The following LRMDA variants were observed in gnomAD, a reference collection of about 807,000 sequenced individuals.
LRMDA encodes the protein leucine rich melanocyte differentiation associated.
In LRMDA, 18 loss-of-function variants were observed where a neutral mutation model predicts 29.8. That is an observed-to-expected ratio of 0.60 (90% CI 0.42 to 0.90). LRMDA has a LOEUF of 0.90. Ranked by LOEUF, LRMDA falls within the 40% of genes least tolerant of loss-of-function variation. LRMDA has a pLI of 0.00. For synonymous variants in LRMDA, 125 were observed against 109.4 expected, an observed-to-expected ratio of 1.14 and a Z score of -0.89; for missense variants, 273 against 273.9, an observed-to-expected ratio of 1.00 and a Z score of 0.02.
chr10:76,376,565 T>C (rs925540134), intron 6 of LRMDA, among the ~76,000 whole-genome samples: 11 of 152,168 alleles, frequency 7.2e-5, no homozygotes, highest in Non-Finnish European at 1.3e-4. Flanking sequence ...TAATTTTTTT[T>C]CCTTTGGGTA....
chr10:76,359,879 TAGC>T (rs887012695), intron 6 of LRMDA, among the ~76,000 whole-genome samples: 19 of 152,326 alleles, frequency 1.2e-4, no homozygotes, highest in African/African-American at 4.6e-4. Flanking sequence ...CAAAGTGAAA[TAGC>T]AGCAAGTTTT....
intron 5 of LRMDA, among the ~76,000 whole-genome samples, chr10:76,224,103 C>G (rs180970500): frequency 2.4e-4 from 37 of 152,120 alleles, no homozygotes; most frequent in Admixed American, 1.5e-3. Context: ...TAAGCCCTGT[C>G]CTAGGACATT....
chr10:75,447,393 G>T (rs1227699467), intron 2 of LRMDA, among the ~76,000 whole-genome samples: 1 of 152,092 alleles, frequency 6.6e-6, no homozygotes, highest in Non-Finnish European at 1.5e-5. Context: ...GGGCGTGGTG[G>T]TGGGTGCTTA....
At chr10:75,901,584 G>A (rs1404314084) in intron 2 of LRMDA, among the ~76,000 whole-genome samples, 4 of 152,180 alleles carry the variant, frequency 2.6e-5, no homozygotes, top group African/African-American at 7.2e-5. Context: ...AAGTATTCAT[G>A]GGGGGAGAAA....
rs151301725 is a variant in LRMDA, at chr10:76,176,344, C to T, written c.516+117561C>T. On this transcript the variant is annotated intron_variant, in intron 5 of 6. Transcript: ENST00000611255. The stretch of plus-strand genomic sequence containing the variant: ...ACCAAGAAGGGATAAGATCAAAGGG[C>T]GGTAATGAATACCGATTACAATAGA... Among the ~76,000 whole-genome samples, 360 of 152,198 alleles carry T rather than the reference C, an allele frequency of 2.4e-3. 3 individuals carry two copies. The highest frequency in any genetic ancestry group is 7.3e-3 in the African/African-American group (303 of 41,520).
At chr10:76,150,747 G>A (rs905301834) in intron 5 of LRMDA, among the ~76,000 whole-genome samples, 1 of 152,138 alleles carries the variant, frequency 6.6e-6, no homozygotes, top group African/African-American at 2.4e-5. Context: ...TTATACCGGT[G>A]GCAAGGATAG....
intron 2 of LRMDA, among the ~76,000 whole-genome samples, chr10:75,668,634 GA>G (rs1427735166): frequency 5.3e-5 from 8 of 152,194 alleles, no homozygotes; most frequent in Non-Finnish European, 5.9e-5. Context: ...GGCTTAATAA[GA>G]AAAATTTTTT....
intron 2 of LRMDA, among the ~76,000 whole-genome samples, chr10:75,893,157 G>T (rs552295203): frequency 6.6e-6 from 1 of 152,102 alleles, no homozygotes; most frequent in East Asian, 1.9e-4. Context: ...TCTTAGTGAC[G>T]ACCTGGTGAT....
chr10:75,709,238 G>A (rs948834315), intron 2 of LRMDA, among the ~76,000 whole-genome samples: 10 of 152,122 alleles, frequency 6.6e-5, no homozygotes, highest in Non-Finnish European at 1.3e-4. Flanking sequence ...AATTTTTAAA[G>A]AGACAACAGG....
At chr10:75,522,477 C>T (rs1160847266) in intron 2 of LRMDA, among the ~76,000 whole-genome samples, 1 of 152,174 alleles carries the variant, frequency 6.6e-6, no homozygotes, top group African/African-American at 2.4e-5. Flanking sequence ...GCTATGTAGG[C>T]TGATTCAAGA....
At chr10:75,737,067 ACACACACACACGCACATGCATG>A (rs970328079) in intron 2 of LRMDA, among the ~76,000 whole-genome samples, 2 of 151,688 alleles carry the variant, frequency 1.3e-5, no homozygotes, top group Non-Finnish European at 2.9e-5. Context: ...GCACGCACAC[ACACACACACACGCACATGCATG>A]CACACACACA....
chr10:75,656,007 T>C (rs1356058543), intron 2 of LRMDA, among the ~76,000 whole-genome samples: 2 of 152,214 alleles, frequency 1.3e-5, no homozygotes, highest in Non-Finnish European at 2.9e-5. Context: ...CTTCTGCTGA[T>C]CCCGTCTTGG....
intron 2 of LRMDA, among the ~76,000 whole-genome samples, chr10:75,738,290 T>C (rs1842789980): frequency 6.6e-6 from 1 of 152,104 alleles, no homozygotes; most frequent in South Asian, 2.1e-4. Flanking sequence ...CAGCTGCAGC[T>C]TCAGGTCATC....
intron 5 of LRMDA, among the ~76,000 whole-genome samples, chr10:76,317,896 T>A (rs536640992): frequency 6.6e-6 from 1 of 152,304 alleles, no homozygotes; most frequent in African/African-American, 2.4e-5. Flanking sequence ...TATCTTTACT[T>A]ATTAACTACT....
At chr10:75,962,650 T>C (rs1458564080) in intron 2 of LRMDA, among the ~76,000 whole-genome samples, 1 of 152,226 alleles carries the variant, frequency 6.6e-6, no homozygotes, top group East Asian at 1.9e-4. Context: ...AATGATAATC[T>C]AGTTTTTGTC....
chr10:76,149,197 AG>A (rs1432910055), intron 5 of LRMDA, among the ~76,000 whole-genome samples: 1 of 152,248 alleles, frequency 6.6e-6, no homozygotes, highest in Non-Finnish European at 1.5e-5. Context: ...GCACTAACAA[AG>A]CAGTAGATTA....
chr10:76,202,339 A>G lies in LRMDA; in HGVS notation c.517-122062A>G, dbSNP rs534411029. ...CTAATGCCCTGAAAACCCAGGAGAT[A>G]CTTTCTCTTCACTGAGGCATTTCCT... is the stretch of plus-strand genomic sequence containing the variant. On this transcript the variant is annotated intron_variant, in intron 5 of 6. Transcript: ENST00000611255. Among the ~76,000 whole-genome samples, 78 of 152,242 alleles carry G rather than the reference A, an allele frequency of 5.1e-4. 1 individual carries two copies. Among genetic ancestry groups the G allele is most frequent in the African/African-American group, 1.8e-3 (75 of 41,540 alleles).
At chr10:75,518,484 G>A (rs1415251960) in intron 2 of LRMDA, among the ~76,000 whole-genome samples, 1 of 152,150 alleles carries the variant, frequency 6.6e-6, no homozygotes, top group Non-Finnish European at 1.5e-5. Context: ...TAGTTTATTT[G>A]CCTAGAGGTA....
intron 2 of LRMDA, among the ~76,000 whole-genome samples, chr10:75,859,467 T>C (rs1161441074): frequency 6.6e-6 from 1 of 152,148 alleles, no homozygotes; most frequent in African/African-American, 2.4e-5. Flanking sequence ...TCCTGCCAAA[T>C]TTGAAAAATA....
Sources: allele counts gnomAD v4.1 joint callset (sites outside exome capture counted in the v4.1 genomes callset), GRCh38; gene constraint gnomAD v4.1.1; transcripts MANE v1.5; gene names NCBI Gene and HGNC (gene_info 2026-07-23, HGNC 2026-07-21).